Variants in DDX21 observed in about 807,000 individuals in gnomAD.
DDX21 encodes DExD-box helicase 21, also known as nucleolar RNA helicase 2.
In DDX21, 18 loss-of-function variants were observed where a neutral mutation model predicts 90.0. The ratio of observed to expected loss-of-function variants is 0.20; its 90% CI spans 0.14 to 0.30. The LOEUF is 0.30. Ranked by LOEUF, DDX21 falls within the 10% of genes least tolerant of loss-of-function variation. DDX21 has a pLI of 1.00. For synonymous variants in DDX21, 294 were observed against 318.0 expected (o/e 0.92, Z 0.80); for missense variants, 673 against 944.5 (o/e 0.71, Z 3.77).
chr10:68,979,090 T>C, intron 13 of DDX21, 114 bp downstream of exon 13: 3 of 1,427,286 alleles, frequency 2.1e-6, no homozygotes, highest in Non-Finnish European at 2.9e-6. Context: ...CTCTCTCATC[T>C]TCCCTGGGTA....
chr10:68,978,788 C>G (rs1233606465), intron 12 of DDX21, 54 bp from the exon 13 acceptor site: 2 of 1,561,428 alleles, frequency 1.3e-6, no homozygotes, highest in Non-Finnish European at 1.7e-6. Context: ...AGGTATTTAT[C>G]AATTAGGTTT....
At chr10:68,967,344 T>G in intron 6 of DDX21, 141 bp downstream of exon 6, 1 of 766,794 alleles carries the variant, frequency 1.3e-6, no homozygotes, top group Non-Finnish European at 2.0e-6. Flanking sequence ...TGGCCTCGTA[T>G]TTTTAGTAGA....
chr10:68,973,770 G>T (rs536218490), intron 10 of DDX21, 106 bp downstream of exon 10: 1 of 1,410,468 alleles, frequency 7.1e-7, no homozygotes, highest in South Asian at 1.4e-5. Flanking sequence ...CTAGTGTGTG[G>T]CAATGACTGA....
Position 68,974,696 on chromosome 10 carries a change from T to G in DDX21, c.1695T>G (p.Val565=), listed in dbSNP as rs900818631. 6.8e-6 allele frequency: 11 copies of G among 1,613,986 alleles called. No individual in the cohort carries two copies. The highest frequency in any genetic ancestry group is 3.3e-4 in the Middle Eastern group (2 of 6,082). The change falls in exon 11 of 15, where the codon GTT becomes GTG. Residue 565 remains valine, a synonymous_variant. Transcript: ENST00000354185. ...KAGIKFKRIG[V]PSATEIIKAS... ...GAATTAAGTTCAAACGAATAGGTGT[T>G]CCTTCTGCAACAGAAATAATAAAAG... is the stretch of plus-strand genomic sequence containing the variant.
chr10:68,974,833 T>A (rs3740595), intron 11 of DDX21, 90 bp downstream of exon 11: 364,877 of 1,110,512 alleles, frequency 0.33, 60,562 homozygotes, highest in East Asian at 0.53. Context: ...CTTAAAAAAA[T>A]TTTTTTTTTA....
chr10:68,972,545 C>A (rs1005256725), intron 9 of DDX21, among the ~76,000 whole-genome samples: 2 of 152,116 alleles, frequency 1.3e-5, no homozygotes, highest in African/African-American at 2.4e-5. Context: ...AACATGAGGA[C>A]CCCAAAATCT....
intron 11 of DDX21, among the ~76,000 whole-genome samples, chr10:68,976,168 A>G (rs1843097878): frequency 6.6e-6 from 1 of 151,766 alleles, no homozygotes; most frequent in South Asian, 2.1e-4. Flanking sequence ...TTGAGGCTGC[A>G]GTGAGCTGTG....
intron 11 of DDX21, among the ~76,000 whole-genome samples, chr10:68,976,949 C>A (rs116732610): frequency 0.012 from 1,776 of 148,156 alleles, 47 homozygotes; most frequent in African/African-American, 0.042. Flanking sequence ...CTTTTATTTT[C>A]TTTTTTTTTT....
At position 68,956,653 on chromosome 10, in the gene DDX21, T is replaced by G. The variant is rs1467502533; in HGVS notation, c.87+341T>G. On this transcript the variant is annotated intron_variant, in intron 1 of 14. Transcript: ENST00000354185. ...GGCGACTTGGGCGCGCCTCACACAG[T>G]GCGCAGAGTTGGACCTTCAGTCAGG... The G allele has an allele frequency of 7.0e-6, 8 of 1,146,794 alleles. No individual in the cohort carries two copies. The East Asian group carries it at 3.8e-4, about 55-fold the overall frequency. The allele number at this position is 1,146,794 out of a possible 1,614,324, so 71.0% of individuals were successfully genotyped here.
At chr10:68,977,729 G>C (rs1331638079) in intron 12 of DDX21, 41 bp downstream of exon 12, 2 of 1,562,090 alleles carry the variant, frequency 1.3e-6, no homozygotes, top group Admixed American at 1.8e-5. Context: ...CATAATTTGG[G>C]GTATGAGCAG....
chr10:68,960,492 C>T (rs888551892), intron 2 of DDX21, among the ~76,000 whole-genome samples: 11 of 151,996 alleles, frequency 7.2e-5, no homozygotes, highest in African/African-American at 2.2e-4. Flanking sequence ...GACAGAGTCT[C>T]GCTCTGTCAC....
chr10:68,979,339 A>T (rs190079101), intron 13 of DDX21, among the ~76,000 whole-genome samples: 1 of 152,162 alleles, frequency 6.6e-6, no homozygotes, highest in Non-Finnish European at 1.5e-5. Context: ...TTGCCTCCCA[A>T]ACCTGGTGTT....
Position 68,960,051 on chromosome 10 carries a change from C to T in DDX21, c.333C>T (p.Thr111=). ...AAAAGAAAGTGGTTTCTTCTAAAAC[C>T]AAAAAAGTGACAAAAAATGAGGAGC... ...PIEKKVVSSK[T]KKVTKNEEPS... Residue 111 remains threonine, a synonymous_variant, in exon 2 of 15, where the codon ACC becomes ACT. Coordinates refer to ENST00000354185, the MANE Select transcript of DDX21 (RefSeq NM_004728.4). 1 of 1,602,996 alleles carries T rather than the reference C, an allele frequency of 6.2e-7. No homozygotes were observed. The highest frequency in any genetic ancestry group is 8.5e-7 in the Non-Finnish European group (1 of 1,177,458).
chr10:68,956,476 C>T (rs1343011418), intron 1 of DDX21, 164 bp downstream of exon 1: 4 of 1,451,384 alleles, frequency 2.8e-6, no homozygotes, highest in East Asian at 5.1e-5. Flanking sequence ...GTGGTGCGCT[C>T]CCCGGGCAGT....
chr10:68,967,295 A>G (rs1022006490), intron 6 of DDX21, 92 bp downstream of exon 6: 3 of 1,273,288 alleles, frequency 2.4e-6, no homozygotes, highest in Non-Finnish European at 3.2e-6. Context: ...TGCCTCAGCC[A>G]CCCTAGTAAC....
At chr10:68,963,742 G>A (rs1302332351) in intron 4 of DDX21, among the ~76,000 whole-genome samples, 1 of 151,894 alleles carries the variant, frequency 6.6e-6, no homozygotes, top group Non-Finnish European at 1.5e-5. Flanking sequence ...ACCATTAGAT[G>A]TCCCTGGGGC....
At chr10:68,973,472 G>A (rs1333737848) in intron 9 of DDX21, 73 bp from the exon 10 acceptor site, 2 of 1,571,296 alleles carry the variant, frequency 1.3e-6, no homozygotes, top group Non-Finnish European at 1.7e-6. Context: ...AGTGTTCACT[G>A]ACCTGCATAG....
In DDX21 at chr10:68,967,167, C is replaced by T; in HGVS notation, c.1054C>T (p.Gln352Ter). ...DQMLDMGFAD[Q>*]VEEILSVAYK... ...GATGTTGGATATGGGATTTGCTGAT[C>T]AAGTGGAAGAGATTTTAAGTGTGGC... is the stretch of plus-strand genomic sequence containing the variant. The change falls in exon 6 of 15, where the codon CAA (glutamine) becomes TAA (stop). Residue 352 changes from glutamine to a stop codon, truncating the protein, a stop_gained. Coordinates refer to ENST00000354185, the MANE Select transcript of DDX21 (RefSeq NM_004728.4). LOFTEE classifies it high-confidence loss of function. 1.2e-6 allele frequency: 2 copies of T among 1,610,782 alleles called. No homozygotes were observed. The highest frequency in any genetic ancestry group is 8.5e-7 in the Non-Finnish European group (1 of 1,178,430).
At chr10:68,977,199 T>C (rs1461697366) in intron 11 of DDX21, among the ~76,000 whole-genome samples, 2 of 152,214 alleles carry the variant, frequency 1.3e-5, no homozygotes, top group Admixed American at 1.3e-4. Flanking sequence ...CATTTTATTA[T>C]GTCTGTTTTG....
Sources: gnomAD v4.1 joint callset for allele counts (sites outside exome capture counted in the v4.1 genomes callset) on GRCh38, gnomAD v4.1.1 for gene constraint, MANE v1.5 for transcripts, NCBI Gene and HGNC (gene_info 2026-07-23, HGNC 2026-07-21) for gene names.